TTC28: variants seen among roughly 807,000 people sequenced by gnomAD.
TTC28 encodes the protein tetratricopeptide repeat domain 28, also known as tetratricopeptide repeat protein 28.
Under a neutral mutation model 198.0 loss-of-function variants are expected in TTC28, and 61 were observed. The ratio of observed to expected loss-of-function variants is 0.31; its 90% CI spans 0.25 to 0.38. The LOEUF is 0.38. Among genes scored for constraint, TTC28 ranks in the 10% least tolerant of loss-of-function variants. The pLI, the probability that TTC28 is intolerant of heterozygous loss-of-function variation, is 1.00. For synonymous variants in TTC28, 1,171 were observed against 1,297.8 expected, an observed-to-expected ratio of 0.90 and a Z score of 2.10; for missense variants, 2,678 against 3,164.0, an observed-to-expected ratio of 0.85 and a Z score of 3.69.
chr22:28,304,676 A>G (rs2045100183), intron 3 of TTC28, among the ~76,000 whole-genome samples: 1 of 152,180 alleles, frequency 6.6e-6, no homozygotes, highest in Non-Finnish European at 1.5e-5. Flanking sequence ...ATTTATCTAA[A>G]TAGATCGCTT....
chr22:28,033,346 C>T (rs1248943093), intron 12 of TTC28, among the ~76,000 whole-genome samples: 1 of 152,206 alleles, frequency 6.6e-6, no homozygotes, highest in Non-Finnish European at 1.5e-5. Flanking sequence ...GCCACCAATC[C>T]TCACAGCACA....
intron 2 of TTC28, among the ~76,000 whole-genome samples, chr22:28,583,976 C>G (rs2146066059): frequency 7.0e-6 from 1 of 143,226 alleles, no homozygotes; most frequent in South Asian, 2.3e-4. Flanking sequence ...TATTTTCTCT[C>G]TTTCTCCGTT....
chr22:28,630,078 T>C (rs2051148972), intron 1 of TTC28, among the ~76,000 whole-genome samples: 1 of 152,032 alleles, frequency 6.6e-6, no homozygotes, highest in South Asian at 2.1e-4. Context: ...TTAAGAGACC[T>C]GCCACTAGCC....
chr22:28,321,250 T>C (rs896558675), intron 2 of TTC28, among the ~76,000 whole-genome samples: 3 of 152,174 alleles, frequency 2.0e-5, no homozygotes, highest in Non-Finnish European at 2.9e-5. Context: ...TTTGGTTCAA[T>C]AATAATACAT....
chr22:28,571,096 A>G (rs1461367823), intron 2 of TTC28, among the ~76,000 whole-genome samples: 1 of 152,222 alleles, frequency 6.6e-6, no homozygotes, highest in African/African-American at 2.4e-5. Flanking sequence ...AGGAAAGCAT[A>G]TGTCCTGAAT....
intron 12 of TTC28, among the ~76,000 whole-genome samples, chr22:28,053,856 A>C (rs899309124): frequency 3.3e-5 from 5 of 152,172 alleles, no homozygotes; most frequent in Non-Finnish European, 7.3e-5. Flanking sequence ...TACCTGAAGA[A>C]ACTGTTCATT....
At chr22:28,674,222 C>CAGGAA (rs1186366997) in intron 1 of TTC28, among the ~76,000 whole-genome samples, 2 of 147,574 alleles carry the variant, frequency 1.4e-5, no homozygotes, top group East Asian at 3.9e-4. Flanking sequence ...GTGATGGGGA[C>CAGGAA]AGGAAGAGGC....
intron 2 of TTC28, among the ~76,000 whole-genome samples, chr22:28,425,241 T>C (rs779527427): frequency 7.9e-5 from 12 of 152,228 alleles, no homozygotes; most frequent in Non-Finnish European, 1.6e-4. Flanking sequence ...TAATGTAACC[T>C]GTCAGAACTC....
At chr22:28,295,032 A>T (rs2044866297) in intron 5 of TTC28, among the ~76,000 whole-genome samples, 1 of 152,180 alleles carries the variant, frequency 6.6e-6, no homozygotes, top group Admixed American at 6.5e-5. Context: ...AAGAAATCAG[A>T]TCATCTGGCT....
intron 14 of TTC28, chr22:28,006,542 C>T (rs1937936070): frequency 6.6e-6 from 1 of 152,222 alleles, no homozygotes; most frequent in African/African-American, 2.4e-5. Context: ...CAAATGGCTT[C>T]TCTGGAACAT....
At chr22:28,119,115 T>C (rs781520773) in intron 6 of TTC28, among the ~76,000 whole-genome samples, 2 of 151,904 alleles carry the variant, frequency 1.3e-5, no homozygotes, top group Non-Finnish European at 2.9e-5. Flanking sequence ...CAGTGCTTTA[T>C]GGTTGAAAGG....
chr22:28,362,268 G>C (rs1466416813), intron 2 of TTC28, among the ~76,000 whole-genome samples: 1 of 152,122 alleles, frequency 6.6e-6, no homozygotes, highest in African/African-American at 2.4e-5. Context: ...AGATCTGATG[G>C]TTTTATAAAG....
chr22:28,616,358 A>T (rs1239503319), intron 2 of TTC28, among the ~76,000 whole-genome samples: 1 of 152,206 alleles, frequency 6.6e-6, no homozygotes, highest in African/African-American at 2.4e-5. Context: ...AAATAGAAGG[A>T]TTTGAACTAG....
At chr22:28,254,259 TG>T (rs1486352103) in intron 5 of TTC28, among the ~76,000 whole-genome samples, 1 of 152,070 alleles carries the variant, frequency 6.6e-6, no homozygotes, top group African/African-American at 2.4e-5. Flanking sequence ...AACATACTTT[TG>T]GTAATAATTA....
chr22:28,428,607 ATTATTTTATTTTATTTTATTTTATT>A (rs202173981), intron 2 of TTC28, among the ~76,000 whole-genome samples: 165 of 142,216 alleles, frequency 1.2e-3, no homozygotes, highest in African/African-American at 3.9e-3. Flanking sequence ...TTCATGAATT[ATTATTTTATTTTATTTTATTTTATT>A]TTATTTTATT....
At chr22:28,644,595 C>A (rs982920361) in intron 1 of TTC28, among the ~76,000 whole-genome samples, 4 of 151,944 alleles carry the variant, frequency 2.6e-5, no homozygotes, top group South Asian at 2.1e-4. Context: ...GAGGCCAAGA[C>A]GGGCAAATCA....
chr22:28,393,164 T>C (rs1359650867), intron 2 of TTC28, among the ~76,000 whole-genome samples: 1 of 152,198 alleles, frequency 6.6e-6, no homozygotes, highest in Non-Finnish European at 1.5e-5. Flanking sequence ...AATACCCAGA[T>C]GTGAGCCACC....
Position 28,296,247 on chromosome 22 carries a change from G to C in TTC28, c.884C>G (p.Thr295Ser). ...GAGTACCAACTGATGCCTGTGGTTA[G>C]TGAGAGCCTCCCGGTAATTTCCTTT... The part of the protein sequence containing the change: ...FSKGNYREAL[T>S]NHRHQLVLAM... The change falls in exon 5 of 23, where the codon ACT (threonine) becomes AGT (serine). Residue 295 changes from threonine (T) to serine (S), a missense_variant. Physicochemically the swap from Thr to Ser is moderately conservative, Grantham distance 58 (BLOSUM62 1). Around this residue, in one of 8 missense-constraint regions of TTC28, gnomAD observed 775 missense variants for 845.9 expected, o/e 0.92. Coordinates refer to ENST00000397906, the MANE Select transcript of TTC28 (RefSeq NM_001145418.2). 1 of 1,550,938 alleles carries C rather than the reference G, an allele frequency of 6.4e-7. No individual in the cohort carries two copies. Among genetic ancestry groups the C allele is most frequent in the Non-Finnish European group, 8.7e-7 (1 of 1,146,660 alleles).
chr22:28,393,083 G>A (rs1185682381), intron 2 of TTC28, among the ~76,000 whole-genome samples: 2 of 151,910 alleles, frequency 1.3e-5, no homozygotes, highest in Non-Finnish European at 2.9e-5. Flanking sequence ...AGGTCTTGCT[G>A]TGTTGCTCAG....
Sources: gnomAD v4.1 joint callset for allele counts (sites outside exome capture counted in the v4.1 genomes callset) on GRCh38, gnomAD v4.1.1 for gene constraint, gnomAD v4.1.1 regional missense constraint, MANE v1.5 for transcripts, NCBI Gene and HGNC (gene_info 2026-07-23, HGNC 2026-07-21) for gene names.